NAA35: variants seen among roughly 807,000 people sequenced by gnomAD.
NAA35 encodes the protein MAK10 homolog, amino-acid N-acetyltransferase subunit.
NAA35 carries 18 observed loss-of-function variants against 101.7 expected under a neutral mutation model. That is an observed-to-expected ratio of 0.18 (90% CI 0.12 to 0.26). The LOEUF (loss-of-function observed/expected upper bound fraction) is 0.26. NAA35 is among the 10% of genes least tolerant of loss of function. The pLI is 1.00. For missense variants in NAA35, 601 were observed against 886.8 expected, an observed-to-expected ratio of 0.68 and a Z score of 4.09; for synonymous variants, 267 against 273.1, an observed-to-expected ratio of 0.98 and a Z score of 0.22.
At chr9:85,973,226 A>G (rs956632446) in intron 6 of NAA35, among the ~76,000 whole-genome samples, 1 of 152,212 alleles carries the variant, frequency 6.6e-6, no homozygotes, top group African/African-American at 2.4e-5. Context: ...TTGGCGAGGG[A>G]GACCGGGCCA....
chr9:85,958,601 A>G lies in NAA35; in HGVS notation c.273+15A>G. On this transcript the variant is annotated intron_variant, in intron 4 of 22. Coordinates refer to ENST00000361671, the MANE Select transcript of NAA35 (RefSeq NM_024635.4). ...AAGCTATCAAGGTAGTTACCATTGT[A>G]CTTTTTGTGTTTCCATTTATCTTTT... 1.3e-6 allele frequency: 2 copies of G among 1,533,374 alleles called. No individual in the cohort carries two copies. The highest frequency in any genetic ancestry group is 1.8e-6 in the Non-Finnish European group (2 of 1,119,752). The allele number at this position is 1,533,374 out of a possible 1,614,324, so 95.0% of individuals were successfully genotyped here.
intron 11 of NAA35, among the ~76,000 whole-genome samples, chr9:85,994,230 C>T (rs1831062047): frequency 1.3e-5 from 2 of 152,140 alleles, no homozygotes; most frequent in South Asian, 4.1e-4. Context: ...TTAATTACAT[C>T]CACATTGCTG....
chr9:85,959,104 C>T (rs1439240840), intron 4 of NAA35, among the ~76,000 whole-genome samples: 1 of 151,812 alleles, frequency 6.6e-6, no homozygotes, highest in African/African-American at 2.4e-5. Flanking sequence ...CGGCTGGGTG[C>T]GGTGGTTCAT....
At position 85,978,262 on chromosome 9, in the gene NAA35, G is replaced by T; in HGVS notation, c.763-5G>T. The T allele has an allele frequency of 1.9e-6, 3 of 1,563,494 alleles. No individual in the cohort carries two copies. Among genetic ancestry groups the T allele is most frequent in the Non-Finnish European group, 2.6e-6 (3 of 1,134,410 alleles). ...TAAGAATGTTTTTGGTGATTTATTT[G>T]CTAGACCAGTGCTGTTGCAGAAGCT... On this transcript the variant is annotated splice_polypyrimidine_tract_variant and splice_region_variant and intron_variant, in intron 10 of 22. Transcript: ENST00000361671.
intron 6 of NAA35, among the ~76,000 whole-genome samples, chr9:85,965,556 G>C (rs1322015575): frequency 6.6e-6 from 1 of 152,034 alleles, no homozygotes; most frequent in East Asian, 1.9e-4. Context: ...TGAGCCTGGG[G>C]AGGTCAAGGC....
chr9:85,982,763 A>G (rs1830486202), intron 11 of NAA35, among the ~76,000 whole-genome samples: 1 of 152,222 alleles, frequency 6.6e-6, no homozygotes, highest in South Asian at 2.1e-4. Flanking sequence ...TGAAATTCCA[A>G]ACAAGCAATG....
At chr9:85,995,174 CT>C (rs1831102323) in intron 11 of NAA35, among the ~76,000 whole-genome samples, 2 of 151,764 alleles carry the variant, frequency 1.3e-5, no homozygotes, top group Non-Finnish European at 2.9e-5. Flanking sequence ...ATCAGTTATA[CT>C]TTATTATTTT....
chr9:85,996,759 G>A (rs1831178738), intron 12 of NAA35, among the ~76,000 whole-genome samples, 182 bp downstream of exon 12: 1 of 152,120 alleles, frequency 6.6e-6, no homozygotes, highest in Non-Finnish European at 1.5e-5. Context: ...GGATTAAGTG[G>A]TTCATAAATA....
chr9:85,988,736 C>T (rs1830764492), intron 11 of NAA35, among the ~76,000 whole-genome samples: 1 of 150,746 alleles, frequency 6.6e-6, no homozygotes, highest in Non-Finnish European at 1.5e-5. Flanking sequence ...GCGGAGGTTG[C>T]AGTGAGCCGA....
intron 15 of NAA35, among the ~76,000 whole-genome samples, chr9:86,012,182 C>A (rs150122443): frequency 6.7e-6 from 1 of 149,166 alleles, no homozygotes; most frequent in African/African-American, 2.5e-5. Context: ...TGCAGTGGTG[C>A]GATCTCAGCT....
chr9:86,016,067 G>A (rs1237554069), intron 17 of NAA35, among the ~76,000 whole-genome samples: 2 of 151,732 alleles, frequency 1.3e-5, no homozygotes, highest in African/African-American at 4.8e-5. Context: ...TGGCTTAGCA[G>A]TGTTAAAGTT....
intron 2 of NAA35, among the ~76,000 whole-genome samples, chr9:85,948,751 C>T (rs928581311): frequency 7.2e-5 from 11 of 151,862 alleles, no homozygotes; most frequent in African/African-American, 2.7e-4. Flanking sequence ...ATGTCGATAC[C>T]TTTATTTTAT....
In NAA35 at chr9:86,022,098, GT is replaced by G; in HGVS notation, c.*141del. 1 of 633,890 alleles carries G rather than the reference GT, an allele frequency of 1.6e-6. No individual in the cohort carries two copies. 39.3% of individuals were successfully genotyped at this position (633,890 alleles called of 1,614,324 possible). ...CAACTCATTATAAGGAATACTTTTA[GT>G]TTGACAGCCTTATATGACATGAATG... On this transcript the variant is annotated 3_prime_UTR_variant, in exon 23 of 23. Transcript: ENST00000361671.
At chr9:85,966,725 G>A in intron 6 of NAA35, 1 of 875,386 alleles carries the variant, frequency 1.1e-6, no homozygotes, top group Admixed American at 2.8e-5. Flanking sequence ...AGCTGTCTTG[G>A]CAAACAGTTT....
chr9:86,022,153 T>C lies in NAA35; in HGVS notation c.*193T>C, dbSNP rs1406759494. On this transcript the variant is annotated 3_prime_UTR_variant, in exon 23 of 23. Transcript: ENST00000361671. ...ACTGCTGTTTTAAAGTGGTTTATTA[T>C]GTTCCATGGAAGAAACTGGTCTTAT... 4 of 486,492 alleles carry C rather than the reference T, an allele frequency of 8.2e-6. No homozygotes were observed. The allele number at this position is 486,492 out of a possible 1,614,324, so 30.1% of individuals were successfully genotyped here.
intron 17 of NAA35, among the ~76,000 whole-genome samples, chr9:86,016,151 A>C (rs566686492): frequency 6.6e-6 from 1 of 152,118 alleles, no homozygotes; most frequent in Non-Finnish European, 1.5e-5. Context: ...GTAAATTGTA[A>C]ATGTGAATGT....
At chr9:85,967,231 A>G (rs1829784395) in intron 6 of NAA35, among the ~76,000 whole-genome samples, 1 of 152,224 alleles carries the variant, frequency 6.6e-6, no homozygotes, top group African/African-American at 2.4e-5. Flanking sequence ...AATTGATTAC[A>G]CATAATTTAT....
chr9:86,000,881 G>C (rs1831393646), intron 12 of NAA35, among the ~76,000 whole-genome samples: 1 of 151,728 alleles, frequency 6.6e-6, no homozygotes, highest in Non-Finnish European at 1.5e-5. Flanking sequence ...TTCATGTCTT[G>C]ATTTCCCTCA....
intron 2 of NAA35, among the ~76,000 whole-genome samples, chr9:85,943,204 A>G (rs1161602619): frequency 6.6e-6 from 1 of 152,140 alleles, no homozygotes; most frequent in Non-Finnish European, 1.5e-5. Context: ...ACTGAAGATA[A>G]GAGAAAGGAA....
Sources: allele counts gnomAD v4.1 joint callset (sites outside exome capture counted in the v4.1 genomes callset), GRCh38; gene constraint gnomAD v4.1.1; transcripts MANE v1.5; gene names NCBI Gene and HGNC (gene_info 2026-07-23, HGNC 2026-07-21).